The following THADA variants were observed in gnomAD, a reference collection of about 807,000 sequenced individuals.
THADA encodes tRNA (32-2'-O)-methyltransferase regulator THADA.
THADA carries 213 observed loss-of-function variants against 219.8 expected under a neutral mutation model. That is an observed-to-expected ratio of 0.97 (90% CI 0.87 to 1.09). The LOEUF is 1.09. THADA is among the 50% of genes least tolerant of loss of function. THADA has a pLI of 0.00. For synonymous variants in THADA, 1,018 were observed against 828.9 expected (o/e 1.23, Z -3.92); for missense variants, 2,956 against 2,311.3 (o/e 1.28, Z -5.72).
chr2:43,566,868 AG>A, intron 14 of THADA, 47 bp from the exon 15 acceptor site: 1 of 1,345,762 alleles, frequency 7.4e-7, no homozygotes, highest in Non-Finnish European at 9.8e-7. Context: ...ACGTCACAAT[AG>A]GTTATATTCA....
At chr2:43,527,382 AATCT>A (rs1390968301) in intron 22 of THADA, among the ~76,000 whole-genome samples, 1 of 152,190 alleles carries the variant, frequency 6.6e-6, no homozygotes, top group African/African-American at 2.4e-5. Context: ...AAATATATGA[AATCT>A]ATCTAAGTAG....
intron 26 of THADA, among the ~76,000 whole-genome samples, chr2:43,477,566 G>A (rs987908890): frequency 6.6e-6 from 1 of 152,126 alleles, no homozygotes; most frequent in African/African-American, 2.4e-5. Flanking sequence ...CATTCTCCAT[G>A]CCCACCAGCC....
intron 36 of THADA, among the ~76,000 whole-genome samples, chr2:43,274,852 G>C (rs748882099): frequency 2.0e-5 from 3 of 152,024 alleles, no homozygotes; most frequent in Non-Finnish European, 4.4e-5. Flanking sequence ...TCATAAGAAA[G>C]TTTCTACCAA....
intron 25 of THADA, among the ~76,000 whole-genome samples, chr2:43,497,709 A>G (rs573604099): frequency 6.6e-6 from 1 of 152,246 alleles, no homozygotes; most frequent in African/African-American, 2.4e-5. Context: ...ACATAGTGAA[A>G]CCCTCTCTCT....
In THADA at chr2:43,250,963, G is replaced by A. The variant is rs989792139; in HGVS notation, c.5297-18081C>T. Among the ~76,000 whole-genome samples, 5 of 152,118 alleles carry A rather than the reference G, an allele frequency of 3.3e-5. 1 individual carries two copies. The highest frequency in any genetic ancestry group is 2.6e-4 in the Admixed American group (4 of 15,278). On this transcript the variant is annotated intron_variant, in intron 36 of 37. Coordinates refer to ENST00000405975, the MANE Select transcript of THADA (RefSeq NM_022065.5). Reference sequence around the variant, plus strand: ...GAAGGGAGGTGAGGGGTGGACAGACGAAGGTGAACAGAGGGGTTAAAACAA... The same window carrying A: ...GAAGGGAGGTGAGGGGTGGACAGACAAAGGTGAACAGAGGGGTTAAAACAA...
intron 30 of THADA, among the ~76,000 whole-genome samples, chr2:43,321,224 G>A (rs1477016273): frequency 2.6e-5 from 4 of 152,200 alleles, no homozygotes; most frequent in Admixed American, 2.6e-4. Context: ...ACTCTTGAGT[G>A]TCTTTGGCCA....
At position 43,581,312 on chromosome 2, in the gene THADA, T is replaced by C. The variant is rs1700415097; in HGVS notation, c.721+429A>G. On this transcript the variant is annotated intron_variant, in intron 8 of 37. Coordinates refer to ENST00000405975, the MANE Select transcript of THADA (RefSeq NM_022065.5). ...TGGGAGGCCACGGTAAGCAGGTTAC[T>C]TGAGGCCAGGAGTTCCAGAACAGCC... Among the ~76,000 whole-genome samples the C allele has an allele frequency of 2.0e-5, 3 of 151,980 alleles. No individual in the cohort carries two copies. In the South Asian group the frequency reaches 6.2e-4, roughly 32 times the overall value.
intron 8 of THADA, among the ~76,000 whole-genome samples, chr2:43,579,839 A>G (rs1352080117): frequency 6.6e-6 from 1 of 152,132 alleles, no homozygotes; most frequent in African/African-American, 2.4e-5. Context: ...AAAAGCAGAA[A>G]ATGTGTGGGT....
intron 36 of THADA, among the ~76,000 whole-genome samples, chr2:43,247,754 A>AAAAAAAAAAG (rs1558462951): frequency 7.7e-6 from 1 of 130,698 alleles, no homozygotes; most frequent in African/African-American, 2.9e-5. Flanking sequence ...AAAAAAAAAA[A>AAAAAAAAAAG]GGGGGGTGCT....
At chr2:43,303,787 A>G (rs1676529117) in intron 31 of THADA, among the ~76,000 whole-genome samples, 1 of 152,042 alleles carries the variant, frequency 6.6e-6, no homozygotes, top group African/African-American at 2.4e-5. Context: ...TGGCATTCCA[A>G]TCAGTGGTCA....
chr2:43,269,891 A>T (rs1671938402), intron 36 of THADA, among the ~76,000 whole-genome samples: 1 of 152,060 alleles, frequency 6.6e-6, no homozygotes. Context: ...TCCCGGGCTG[A>T]CTCAGGGTGT....
intron 29 of THADA, among the ~76,000 whole-genome samples, chr2:43,358,558 T>G (rs941714703): frequency 6.6e-6 from 1 of 152,176 alleles, no homozygotes; most frequent in Non-Finnish European, 1.5e-5. Flanking sequence ...CCAAAAGAAA[T>G]GTAAAGTTAT....
chr2:43,516,281 C>T (rs1691712888), intron 22 of THADA, among the ~76,000 whole-genome samples: 2 of 152,134 alleles, frequency 1.3e-5, no homozygotes, highest in African/African-American at 2.4e-5. Flanking sequence ...ACAAACACTC[C>T]AATGGCTCCC....
At position 43,522,228 on chromosome 2, in the gene THADA, G is replaced by A. The variant is rs1248214990; in HGVS notation, c.3374+5651C>T. Among the ~76,000 whole-genome samples the A allele has an allele frequency of 2.0e-5, 3 of 152,184 alleles. No homozygotes were observed. The East Asian group carries it at 5.8e-4, about 29-fold the overall frequency. Reference sequence around the variant, plus strand: ...ACCCTGAAGCACCAGGAAACTTTAAGCCTGAAAAATGATTTGCCCAAATGA... The same window carrying A: ...ACCCTGAAGCACCAGGAAACTTTAAACCTGAAAAATGATTTGCCCAAATGA... On this transcript the variant is annotated intron_variant, in intron 22 of 37. Transcript: ENST00000405975.
At chr2:43,477,334 T>C (rs956484399) in intron 26 of THADA, among the ~76,000 whole-genome samples, 16 of 152,186 alleles carry the variant, frequency 1.1e-4, no homozygotes, top group Admixed American at 8.5e-4. Flanking sequence ...TATATCCCAC[T>C]CTTGATGATT....
At chr2:43,508,525 G>T (rs531336532) in intron 23 of THADA, 123 bp downstream of exon 23, 1 of 932,488 alleles carries the variant, frequency 1.1e-6, no homozygotes, top group Non-Finnish European at 1.5e-6. Context: ...CAAATGCTAT[G>T]GTGCTGAAAA....
At chr2:43,592,538 C>A in intron 1 of THADA, 122 bp from the exon 2 acceptor site, 2 of 551,040 alleles carry the variant, frequency 3.6e-6, no homozygotes, top group Non-Finnish European at 6.3e-6. Flanking sequence ...CATGCATCCC[C>A]ATCTCTACCC....
At chr2:43,299,920 C>T (rs555020224) in intron 31 of THADA, among the ~76,000 whole-genome samples, 1 of 151,158 alleles carries the variant, frequency 6.6e-6, no homozygotes, top group East Asian at 2.0e-4. Context: ...CCCAGCTACT[C>T]CGGAGGCTGA....
At chr2:43,267,448 G>C (rs368471285) in intron 36 of THADA, among the ~76,000 whole-genome samples, 1 of 152,198 alleles carries the variant, frequency 6.6e-6, no homozygotes, top group Admixed American at 6.5e-5. Flanking sequence ...GAGAAGTGAA[G>C]TTCCTATCTC....
Sources: gnomAD v4.1 joint callset for allele counts (sites outside exome capture counted in the v4.1 genomes callset) on GRCh38, gnomAD v4.1.1 for gene constraint, MANE v1.5 for transcripts, NCBI Gene and HGNC (gene_info 2026-07-23, HGNC 2026-07-21) for gene names.